The following USP34 variants were observed in gnomAD, a reference collection of about 807,000 sequenced individuals.
USP34 encodes ubiquitin carboxyl-terminal hydrolase 34.
In USP34, 70 loss-of-function variants were observed where a neutral mutation model predicts 460.3. The ratio of observed to expected loss-of-function variants is 0.15; its 90% confidence interval spans 0.13 to 0.19. The LOEUF (loss-of-function observed/expected upper bound fraction) is 0.19, where lower values mean the gene tolerates loss of function less well. Ranked by LOEUF, USP34 falls within the 10% of genes least tolerant of loss-of-function variation. The pLI, the probability that USP34 is intolerant of heterozygous loss-of-function variation, is 1.00. For missense variants in USP34, 3,985 were observed against 4,236.2 expected (o/e 0.94, Z 1.65); for synonymous variants, 1,647 against 1,405.3 (o/e 1.17, Z -3.85).
intron 3 of USP34, among the ~76,000 whole-genome samples, chr2:61,396,415 C>T (rs570559314): frequency 6.6e-6 from 1 of 152,086 alleles, no homozygotes; most frequent in Non-Finnish European, 1.5e-5. Context: ...CATAACGATG[C>T]TCATTAACCC....
intron 18 of USP34, among the ~76,000 whole-genome samples, chr2:61,337,795 C>T (rs1239014111): frequency 1.3e-5 from 2 of 152,136 alleles, no homozygotes; most frequent in African/African-American, 4.8e-5. Context: ...ATTCTTGACT[C>T]TGCCTTTGGG....
chr2:61,353,923 G>T (rs1692029761), intron 10 of USP34, among the ~76,000 whole-genome samples: 2 of 152,102 alleles, frequency 1.3e-5, no homozygotes, highest in African/African-American at 4.8e-5. Context: ...GCAGCTCTGA[G>T]CAAGCGGAAA....
chr2:61,418,005 T>A (rs1694248733), intron 2 of USP34, among the ~76,000 whole-genome samples: 1 of 151,896 alleles, frequency 6.6e-6, no homozygotes, highest in African/African-American at 2.4e-5. Context: ...CCTCCCAAAG[T>A]GCTGGGATTA....
At chr2:61,313,529 T>C (rs1690657782) in intron 25 of USP34, among the ~76,000 whole-genome samples, 2 of 152,188 alleles carry the variant, frequency 1.3e-5, no homozygotes, top group South Asian at 4.1e-4. Context: ...ACTTTCATTT[T>C]CTACATCACA....
Position 61,204,537 on chromosome 2 carries a change from T to C in USP34, c.9219A>G (p.Leu3073=), listed in dbSNP as rs367604185. ...HDFLHTLVPF[L]QHNHCTYHHS... is the part of the protein sequence containing the mutation. ...GATGGTAAGTACAATGGTTGTGTTG[T>C]AGAAAGGGAACCAGAGTATGAAGAA... is the stretch of plus-strand genomic sequence containing the variant. Residue 3073 remains leucine (L), a synonymous_variant, in exon 73 of 80, where the codon CTA becomes CTG. Coordinates refer to ENST00000398571, the MANE Select transcript of USP34 (RefSeq NM_014709.4). 4.3e-6 allele frequency: 7 copies of C among 1,613,994 alleles called. No individual in the cohort carries two copies. The highest frequency in any genetic ancestry group is 4.0e-5 in the African/African-American group (3 of 74,922).
At chr2:61,213,372 A>G (rs4671398) in intron 68 of USP34, among the ~76,000 whole-genome samples, 83,337 of 151,678 alleles carry the variant, frequency 0.55, 23,251 homozygotes, top group South Asian at 0.75. Context: ...ATTCTATACA[A>G]CTCATTACAC....
At chr2:61,207,675 A>C (rs1333835078) in intron 70 of USP34, 2 of 152,216 alleles carry the variant, frequency 1.3e-5, no homozygotes, top group Non-Finnish European at 2.9e-5. Context: ...TGCATTAAAA[A>C]AAAATTTTTT....
At chr2:61,377,578 ACCTCTTT>A (rs1692834415) in intron 8 of USP34, among the ~76,000 whole-genome samples, 1 of 152,088 alleles carries the variant, frequency 6.6e-6, no homozygotes, top group Admixed American at 6.5e-5. Flanking sequence ...AGACCTCTCT[ACCTCTTT>A]CCACCATGCG....
At chr2:61,423,372 A>T (rs995849181) in intron 1 of USP34, among the ~76,000 whole-genome samples, 4 of 152,164 alleles carry the variant, frequency 2.6e-5, no homozygotes, top group African/African-American at 9.7e-5. Flanking sequence ...TCAGCCTCCC[A>T]AAGTGCTGGG....
intron 34 of USP34, 39 bp from the exon 35 acceptor site, chr2:61,284,996 G>C (rs1457761182): frequency 3.3e-6 from 5 of 1,514,476 alleles, no homozygotes; most frequent in Non-Finnish European, 4.5e-6. Context: ...TTTAAATACA[G>C]CAAAAGGAAA....
At chr2:61,278,049 A>G (rs1196289996) in intron 41 of USP34, 116 bp downstream of exon 41, 2 of 1,265,806 alleles carry the variant, frequency 1.6e-6, no homozygotes, top group East Asian at 5.2e-5. Context: ...TCTTTTGTAA[A>G]CTGCCCAGTC....
intron 32 of USP34, among the ~76,000 whole-genome samples, chr2:61,294,583 C>A (rs2103622670): frequency 6.6e-6 from 1 of 152,096 alleles, no homozygotes; most frequent in Admixed American, 6.5e-5. Flanking sequence ...CCACACCCAG[C>A]TCATTTTTGC....
At chr2:61,401,244 G>C (rs753459868) in intron 3 of USP34, among the ~76,000 whole-genome samples, 20 of 151,348 alleles carry the variant, frequency 1.3e-4, no homozygotes, top group Non-Finnish European at 2.6e-4. Context: ...TAAATGCAGT[G>C]GTTTCTCTCC....
At position 61,188,933 on chromosome 2, in the gene USP34, T is replaced by G; in HGVS notation, c.10010A>C (p.Glu3337Ala). 1 of 1,614,232 alleles carries G rather than the reference T, an allele frequency of 6.2e-7. No homozygotes were observed. Residue 3337 changes from glutamate to alanine, a missense_variant, in exon 79 of 80, where the codon GAA becomes GCA. Transcript: ENST00000398571. ...LQQRNSLQEQ[E>A]AKERKTKDDE... is the part of the protein sequence containing the mutation. ...ACCTTTAGTTTTTCTTTCTTTGGCT[T>G]CTTGCTCTTGGAGTGAGTTTCTCTG... is the stretch of plus-strand genomic sequence containing the variant.
rs1690045059 is a variant in USP34 at position 61,296,878 on chromosome 2, C to T, written c.4176G>A (p.Arg1392=). Residue 1392 remains arginine (R), a synonymous_variant, in exon 30 of 80, where the codon AGG becomes AGA. Coordinates refer to ENST00000398571, the MANE Select transcript of USP34 (RefSeq NM_014709.4). ...GAAGCATCAGTAGCTCCCAGACCCGCCTAGACAGATTTTCTGCATGAAGAT... is the reference window on the plus strand; with the variant it reads ...GAAGCATCAGTAGCTCCCAGACCCGTCTAGACAGATTTTCTGCATGAAGAT... ...ELHLHAENLS[R]RVWELLMLLP... 6.2e-7 allele frequency: 1 copy of T among 1,613,744 alleles called. No homozygotes were observed. Among genetic ancestry groups the T allele is most frequent in the Non-Finnish European group, 8.5e-7 (1 of 1,179,898 alleles).
intron 1 of USP34, among the ~76,000 whole-genome samples, chr2:61,431,239 T>C (rs766764284): frequency 1.4e-4 from 21 of 152,148 alleles, no homozygotes; most frequent in Admixed American, 2.6e-4. Context: ...TTTGTTTGTT[T>C]AGAGAAGAGA....
intron 1 of USP34, among the ~76,000 whole-genome samples, chr2:61,456,175 AGT>A (rs1695432681): frequency 6.6e-6 from 1 of 152,240 alleles, no homozygotes; most frequent in South Asian, 2.1e-4. Flanking sequence ...AATGGTTTTC[AGT>A]GTATTAGATA....
chr2:61,242,460 C>CACAT (rs1688294807), intron 51 of USP34, among the ~76,000 whole-genome samples: 1 of 45,096 alleles, frequency 2.2e-5, no homozygotes, highest in Non-Finnish European at 5.3e-5. Flanking sequence ...ATAATACATA[C>CACAT]ACACACACAC....
Position 61,204,728 on chromosome 2 carries a change from A to G in USP34, c.9155-127T>C, listed in dbSNP as rs979322051. On this transcript the variant is annotated intron_variant, in intron 72 of 79. Coordinates refer to ENST00000398571, the MANE Select transcript of USP34 (RefSeq NM_014709.4). ...TAATGAGTCTAAAACTAAGCTCCTG[A>G]CACGAGTAGAAATTCTGTCTTATGC... 33 of 692,608 alleles carry G rather than the reference A, an allele frequency of 4.8e-5. No individual in the cohort carries two copies. In the African/African-American group the frequency reaches 5.7e-4, roughly 12 times the overall value. The allele number at this position is 692,608 out of a possible 1,614,324, so 42.9% of individuals were successfully genotyped here.
Sources: gnomAD v4.1 joint callset for allele counts (sites outside exome capture counted in the v4.1 genomes callset) on GRCh38, gnomAD v4.1.1 for gene constraint, MANE v1.5 for transcripts, NCBI Gene and HGNC (gene_info 2026-07-23, HGNC 2026-07-21) for gene names.